TMEM67: variants seen among roughly 807,000 people sequenced by gnomAD.
The protein encoded by TMEM67 is meckelin.
Under a neutral mutation model 136.6 loss-of-function variants are expected in TMEM67, and 124 were observed. The ratio of observed to expected loss-of-function variants is 0.91; its 90% CI spans 0.78 to 1.05. TMEM67 has a LOEUF of 1.05. Among genes scored for constraint, TMEM67 ranks in the 50% least tolerant of loss-of-function variants. TMEM67 has a pLI of 0.00. For missense variants in TMEM67, 1,107 were observed against 1,178.4 expected, an observed-to-expected ratio of 0.94 and a Z score of 0.89; for synonymous variants, 364 against 390.5, an observed-to-expected ratio of 0.93 and a Z score of 0.80.
intron 25 of TMEM67, among the ~76,000 whole-genome samples, chr8:93,809,497 C>G (rs1660798311): frequency 2.0e-5 from 3 of 152,076 alleles, no homozygotes; most frequent in Admixed American, 1.3e-4. Flanking sequence ...CTGTATTATT[C>G]ATTATTGAAA....
chr8:93,831,686 ATGTG>A, the TMEM67 span, among the ~76,000 whole-genome samples: 56 of 151,070 alleles, frequency 3.7e-4, no homozygotes, highest in Non-Finnish European at 7.5e-4. Context: ...GTGTGTGTGC[ATGTG>A]TGTGTGTGTG....
chr8:93,821,251 A>T (rs1313805001), downstream of TMEM67, among the ~76,000 whole-genome samples: 1 of 152,122 alleles, frequency 6.6e-6, no homozygotes, highest in African/African-American at 2.4e-5. Flanking sequence ...ATAAAAGGGG[A>T]ATATATTCAT....
intron 3 of TMEM67, among the ~76,000 whole-genome samples, 164 bp from the exon 4 acceptor site, chr8:93,763,678 C>T (rs1302724130): frequency 1.3e-5 from 2 of 152,152 alleles, no homozygotes; most frequent in African/African-American, 2.4e-5. Flanking sequence ...CACTTCTCTA[C>T]ACTTTATTAT....
intron 3 of TMEM67, among the ~76,000 whole-genome samples, chr8:93,760,175 C>T (rs1040693344): frequency 6.6e-6 from 1 of 152,152 alleles, no homozygotes; most frequent in East Asian, 1.9e-4. Context: ...CAAATAGAGT[C>T]TGAAGTTTAA....
intron 16 of TMEM67, 126 bp from the exon 17 acceptor site, chr8:93,795,283 G>C: frequency 1.2e-6 from 1 of 817,516 alleles, no homozygotes; most frequent in Non-Finnish European, 2.1e-6. Flanking sequence ...GGATCATATG[G>C]GGATATGTGA....
chr8:93,780,683 G>C lies in TMEM67; in HGVS notation c.805G>C (p.Gly269Arg). 2 of 1,613,932 alleles carry C rather than the reference G, an allele frequency of 1.2e-6. No individual in the cohort carries two copies. The highest frequency in any genetic ancestry group is 1.6e-4 in the Middle Eastern group (1 of 6,062). The change falls in exon 8 of 28, where the codon GGA becomes CGA. Residue 269 changes from glycine (G) to arginine (R), a missense_variant. Coordinates refer to ENST00000453321, the MANE Select transcript of TMEM67 (RefSeq NM_153704.6). Reference sequence around the variant, plus strand: ...CGACTTTGCCACATTTGATGCATGTGGACTATTTCAGTTTATCTTTGAAAA... The same window carrying C: ...CGACTTTGCCACATTTGATGCATGTCGACTATTTCAGTTTATCTTTGAAAA... ...SYDFATFDAC[G>R]LFQFIFENTA...
chr8:93,756,369 C>T (rs953080220), intron 2 of TMEM67: 5 of 152,042 alleles, frequency 3.3e-5, no homozygotes, highest in African/African-American at 1.2e-4. Context: ...TTAGTAATTT[C>T]ATTGTATCGT....
chr8:93,830,253 C>G, the TMEM67 span, among the ~76,000 whole-genome samples: 1 of 152,186 alleles, frequency 6.6e-6, no homozygotes, highest in African/African-American at 2.4e-5. Flanking sequence ...GGGTGGAGTG[C>G]CTGTGGAAGC....
chr8:93,807,357 G>A (rs1003646598), intron 23 of TMEM67, among the ~76,000 whole-genome samples: 2 of 152,050 alleles, frequency 1.3e-5, no homozygotes, highest in Non-Finnish European at 2.9e-5. Context: ...TATTTGTAAG[G>A]GGAAAAGTAT....
chr8:93,761,011 T>C (rs1812803465), intron 3 of TMEM67, among the ~76,000 whole-genome samples: 1 of 152,170 alleles, frequency 6.6e-6, no homozygotes, highest in African/African-American at 2.4e-5. Flanking sequence ...CTACCAGATT[T>C]TATTATAAAA....
chr8:93,802,032 A>G (rs929483068), intron 21 of TMEM67, among the ~76,000 whole-genome samples: 1 of 152,238 alleles, frequency 6.6e-6, no homozygotes, highest in African/African-American at 2.4e-5. Context: ...GAAGCTTTTC[A>G]TATTTGGTTG....
intron 14 of TMEM67, 129 bp from the exon 15 acceptor site, chr8:93,791,134 C>G (rs1314793968): frequency 3.1e-6 from 2 of 648,292 alleles, no homozygotes; most frequent in Non-Finnish European, 5.5e-6. Flanking sequence ...AAGGTCAACT[C>G]TAGTAATATT....
intron 20 of TMEM67, among the ~76,000 whole-genome samples, chr8:93,797,922 C>CGT (rs1481593732): frequency 6.6e-6 from 1 of 152,206 alleles, no homozygotes; most frequent in African/African-American, 2.4e-5. Flanking sequence ...GCGGAGGTTA[C>CGT]AGTGAGCCGA....
intron 21 of TMEM67, among the ~76,000 whole-genome samples, 186 bp downstream of exon 21, chr8:93,799,944 G>A (rs529850884): frequency 3.1e-5 from 4 of 129,814 alleles, no homozygotes; most frequent in African/African-American, 1.2e-4. Flanking sequence ...GTCCCGCTCT[G>A]TCACCCAGGC....
At chr8:93,803,155 T>C (rs1327542428) in intron 21 of TMEM67, among the ~76,000 whole-genome samples, 1 of 152,244 alleles carries the variant, frequency 6.6e-6, no homozygotes, top group Admixed American at 6.5e-5. Flanking sequence ...TTTAATACTT[T>C]GTAGTCAGAA....
intron 26 of TMEM67, 40 bp from the exon 27 acceptor site, chr8:93,815,265 T>A: frequency 1.4e-6 from 2 of 1,402,882 alleles, no homozygotes; most frequent in South Asian, 2.7e-5. Flanking sequence ...TTGTTCCTTT[T>A]TTAAATTTCT....
chr8:93,755,847 A>G lies in TMEM67; in HGVS notation c.293A>G (p.Lys98Arg). 7 of 1,594,742 alleles carry G rather than the reference A, an allele frequency of 4.4e-6. No homozygotes were observed. Among genetic ancestry groups the G allele is most frequent in the Non-Finnish European group, 6.0e-6 (7 of 1,167,728 alleles). Residue 98 changes from lysine to arginine, a missense_variant, in exon 2 of 28, where the codon AAA (lysine) becomes AGA (arginine). Lys to Arg is a conservative substitution (Grantham distance 26). This residue lies in a region of TMEM67 where 178 missense variants were observed against 159.2 expected (regional missense o/e 1.12). Coordinates refer to ENST00000453321, the MANE Select transcript of TMEM67 (RefSeq NM_153704.6). ...AATGGAGGACCTGCTATTATTTGTAAAAAGTGCCCAGAAAACATGGTGCGC... is the reference window on the plus strand; with the variant it reads ...AATGGAGGACCTGCTATTATTTGTAGAAAGTGCCCAGAAAACATGGTGCGC... ...SNNGGPAIIC[K>R]KCPENMKGVT...
chr8:93,805,000 T>A, intron 23 of TMEM67, 122 bp downstream of exon 23: 1 of 635,352 alleles, frequency 1.6e-6, no homozygotes, highest in South Asian at 1.7e-5. Context: ...TGAGATGGAG[T>A]CTCCCTCTGT....
chr8:93,819,757 G>A (rs1330592878), downstream of TMEM67, among the ~76,000 whole-genome samples: 1 of 152,098 alleles, frequency 6.6e-6, no homozygotes, highest in African/African-American at 2.4e-5. Flanking sequence ...GGGGCACTAC[G>A]GGCAGTTTGA....
Sources: allele counts gnomAD v4.1 joint callset (sites outside exome capture counted in the v4.1 genomes callset), GRCh38; gene constraint gnomAD v4.1.1; regional missense constraint gnomAD v4.1.1; transcripts MANE v1.5; gene names NCBI Gene and HGNC (gene_info 2026-07-23, HGNC 2026-07-21).